The following TBC1D9B variants were observed in gnomAD, a reference collection of about 807,000 sequenced individuals.
TBC1D9B encodes the protein TBC1 domain family member 9B.
TBC1D9B carries 87 observed loss-of-function variants against 121.1 expected under a neutral mutation model. The ratio of observed to expected loss-of-function variants is 0.72; its 90% CI spans 0.60 to 0.86. The LOEUF is 0.86. TBC1D9B is among the 40% of genes least tolerant of loss of function. The pLI is 0.00. For missense variants in TBC1D9B, 1,540 were observed against 1,628.6 expected (o/e 0.95, Z 0.94); for synonymous variants, 668 against 670.1 (o/e 1.00, Z 0.05).
rs1291570405 is a variant in TBC1D9B, at chr5:179,862,711, G to C, written c.*737C>G. On this transcript the variant is annotated 3_prime_UTR_variant, in exon 21 of 21. Coordinates refer to ENST00000355235, the MANE Select transcript of TBC1D9B (RefSeq NM_015043.4). The stretch of plus-strand genomic sequence containing the variant: ...TGGGAGGCCTAAGCAGTGGTTGGGG[G>C]CCACAGCAAGGCATTGCACACAGTG... 2.4e-6 allele frequency: 1 copy of C among 424,382 alleles called. No homozygotes were observed. The highest frequency in any genetic ancestry group is 2.0e-5 in the African/African-American group (1 of 49,576). The allele number at this position is 424,382 out of a possible 1,614,324, so 26.3% of individuals were successfully genotyped here.
chr5:179,879,308 G>C, intron 8 of TBC1D9B, 111 bp from the exon 9 acceptor site: 1 of 1,451,858 alleles, frequency 6.9e-7, no homozygotes, highest in Non-Finnish European at 9.2e-7. Flanking sequence ...GCCAGCAAGT[G>C]TGGCCTTCCT....
At position 179,862,446 on chromosome 5, in the gene TBC1D9B, A is replaced by G. The variant is rs1759871373; in HGVS notation, c.*1002T>C. 2.4e-6 allele frequency: 1 copy of G among 411,710 alleles called. No homozygotes were observed. Among genetic ancestry groups the G allele is most frequent in the Non-Finnish European group, 5.1e-6 (1 of 195,288 alleles). 25.5% of individuals were successfully genotyped at this position (411,710 alleles called of 1,614,324 possible). On this transcript the variant is annotated 3_prime_UTR_variant, in exon 21 of 21. Coordinates refer to ENST00000355235, the MANE Select transcript of TBC1D9B (RefSeq NM_015043.4). Reference sequence around the variant, plus strand: ...TGAACCCAAGGGCAGACAGCTTGCTACAGCCCAGGCCTGAGGATGCACTTC... The same window carrying G: ...TGAACCCAAGGGCAGACAGCTTGCTGCAGCCCAGGCCTGAGGATGCACTTC...
At chr5:179,880,076 T>C in intron 7 of TBC1D9B, 1 of 508,556 alleles carries the variant, frequency 2.0e-6, no homozygotes, top group Non-Finnish European at 3.5e-6. Context: ...GGCCCTTTTC[T>C]GAGGGGGGTC....
In TBC1D9B at chr5:179,874,819, C is replaced by A. The variant is rs1375775430; in HGVS notation, c.2186+83G>T. 2 of 1,548,262 alleles carry A rather than the reference C, an allele frequency of 1.3e-6. No individual in the cohort carries two copies. The highest frequency in any genetic ancestry group is 8.7e-7 in the Non-Finnish European group (1 of 1,150,136). On this transcript the variant is annotated intron_variant, in intron 12 of 20. Transcript: ENST00000355235. The surrounding 1 kb of genome is among the most constrained non-coding windows in gnomAD (Gnocchi z 4.3). ...GCCTGGCACTTGGTGGGCACAGTCA[C>A]TTCAGGCTGACTGGACAGTGCCCGG...
intron 15 of TBC1D9B, among the ~76,000 whole-genome samples, chr5:179,871,258 C>G (rs932898108): frequency 5.3e-5 from 8 of 152,194 alleles, no homozygotes; most frequent in Non-Finnish European, 1.2e-4. Flanking sequence ...TTTAAGAGGT[C>G]CTGCCTAAAC....
At chr5:179,880,070 C>G (rs1013032301) in intron 7 of TBC1D9B, 1 of 517,476 alleles carries the variant, frequency 1.9e-6, no homozygotes, top group African/African-American at 1.9e-5. Flanking sequence ...CTGTGGGGCC[C>G]TTTTCTGAGG....
chr5:179,895,979 G>A (rs923809562), intron 3 of TBC1D9B, among the ~76,000 whole-genome samples: 3 of 152,150 alleles, frequency 2.0e-5, no homozygotes, highest in Non-Finnish European at 4.4e-5. Context: ...CTGGATATAC[G>A]TTCTCCTTTA....
In TBC1D9B at chr5:179,879,142, C is replaced by G; in HGVS notation, c.1472G>C (p.Arg491Pro). Reference protein sequence around the residue: ...SWHIHFFEYGRGVCMYRTAKT... With the variant: ...SWHIHFFEYGPGVCMYRTAKT... ...GGCTGTGCGGTACATGCACACGCCA[C>G]GCCCGTACTCGAAGAAGTGGATGTG... is the stretch of plus-strand genomic sequence containing the variant. Residue 491 changes from arginine (R) to proline (P), a missense_variant, in exon 9 of 21, where the codon CGT (arginine) becomes CCT (proline). Physicochemically the swap from Arg to Pro is moderately radical, Grantham distance 103 (BLOSUM62 -2). Transcript: ENST00000355235. 2 of 1,606,856 alleles carry G rather than the reference C, an allele frequency of 1.2e-6. 1 individual carries two copies. The highest frequency in any genetic ancestry group is 3.3e-4 in the Middle Eastern group (2 of 6,058).
chr5:179,875,920 C>T lies in TBC1D9B; in HGVS notation c.1900G>A (p.Gly634Arg), dbSNP rs766258527. The T allele has an allele frequency of 1.2e-6, 2 of 1,602,726 alleles. No individual in the cohort carries two copies. The highest frequency in any genetic ancestry group is 1.3e-5 in the African/African-American group (1 of 74,656). ...CGAGGCAGCACCCGGGGACACTCAC[C>T]CACCACCCTGGTGTTGTAGTAGTCG... ...LPDYYNTRVV[G>R]ALVDQGIFEE... Residue 634 changes from glycine (G) to arginine (R), a missense_variant and splice_region_variant, in exon 11 of 21, where the codon GGA (glycine) becomes AGA (arginine). Gly to Arg is a moderately radical substitution (Grantham distance 125, BLOSUM62 -2). Transcript: ENST00000355235. This position sits in a 1 kb window ranked among gnomAD's most constrained non-coding sequence, Gnocchi z 4.5.
At chr5:179,877,230 T>G (rs533754253) in intron 10 of TBC1D9B, among the ~76,000 whole-genome samples, 1 of 149,784 alleles carries the variant, frequency 6.7e-6, no homozygotes, top group Non-Finnish European at 1.5e-5. Flanking sequence ...AAAAAAAAAA[T>G]ATTAGCTGGG....
At chr5:179,864,902 A>G (rs1445622297) in intron 20 of TBC1D9B, among the ~76,000 whole-genome samples, 1 of 152,102 alleles carries the variant, frequency 6.6e-6, no homozygotes, top group African/African-American at 2.4e-5. Context: ...GTGAATGAAG[A>G]GCGGGTGTGG....
chr5:179,899,741 A>G (rs1411265683), intron 2 of TBC1D9B, among the ~76,000 whole-genome samples: 4 of 152,226 alleles, frequency 2.6e-5, no homozygotes, highest in East Asian at 3.8e-4. Flanking sequence ...TTTCCTGAGC[A>G]TCTAGGTATC....
chr5:179,875,046 A>G lies in TBC1D9B; in HGVS notation c.2042T>C (p.Phe681Ser). The G allele has an allele frequency of 6.2e-7, 1 of 1,614,086 alleles. No individual in the cohort carries two copies. The highest frequency in any genetic ancestry group is 1.1e-5 in the South Asian group (1 of 91,086). ...GTCGACGATGACCACGGCGCTCTCG[A>G]AGGGCATGACGCTGAGGAAGAGGGT... ...FLTLFLSVMP[F>S]ESAVVIVDCF... is the part of the protein sequence containing the mutation. Residue 681 changes from phenylalanine to serine, a missense_variant, in exon 12 of 21, where the codon TTC becomes TCC. By Grantham distance (155) the Phe-to-Ser change is radical. Transcript: ENST00000355235. This position sits in a 1 kb window ranked among gnomAD's most constrained non-coding sequence, Gnocchi z 4.5.
chr5:179,891,575 G>A lies in TBC1D9B; in HGVS notation c.848C>T (p.Ala283Val). ...NISALKRDLD[A>V]RAKNECYRAT... ...TCGGTAGCACTCATTCTTGGCTCGGGCGTCCAGGTCTCTGGGGAAACAAGG... is the reference window on the plus strand; with the variant it reads ...TCGGTAGCACTCATTCTTGGCTCGGACGTCCAGGTCTCTGGGGAAACAAGG... Residue 283 changes from alanine to valine, a missense_variant, in exon 6 of 21, where the codon GCC becomes GTC. Coordinates refer to ENST00000355235, the MANE Select transcript of TBC1D9B (RefSeq NM_015043.4). The surrounding 1 kb of genome is among the most constrained non-coding windows in gnomAD (Gnocchi z 4.3). 1 of 1,613,062 alleles carries A rather than the reference G, an allele frequency of 6.2e-7. No individual in the cohort carries two copies.
rs976712398 is a variant in TBC1D9B at position 179,865,102 on chromosome 5, G to C, written c.3021+152C>G. The C allele has an allele frequency of 4.4e-6, 3 of 681,050 alleles. No homozygotes were observed. Among genetic ancestry groups the C allele is most frequent in the Non-Finnish European group, 7.6e-6 (3 of 396,298 alleles). The allele number at this position is 681,050 out of a possible 1,614,324, so 42.2% of individuals were successfully genotyped here. On this transcript the variant is annotated intron_variant, in intron 20 of 20. Coordinates refer to ENST00000355235, the MANE Select transcript of TBC1D9B (RefSeq NM_015043.4). This position sits in a 1 kb window ranked among gnomAD's most constrained non-coding sequence, Gnocchi z 5.1. ...GGCCTCTTGTCTTTCTGGAATCATC[G>C]CTGACTGGCAACCAGGACTAACGGG...
chr5:179,906,835 C>G (rs181082066), intron 1 of TBC1D9B, among the ~76,000 whole-genome samples: 1 of 152,372 alleles, frequency 6.6e-6, no homozygotes, highest in East Asian at 1.9e-4. Flanking sequence ...ACTGGACGAC[C>G]TGGCAACACT....
intron 16 of TBC1D9B, 42 bp from the exon 17 acceptor site, chr5:179,869,876 T>C (rs1383265956): frequency 2.0e-6 from 3 of 1,514,852 alleles, no homozygotes; most frequent in Admixed American, 4.4e-5. Context: ...GCAACATGGC[T>C]GCAGAGCCCC....
At chr5:179,903,999 CA>C in intron 2 of TBC1D9B, among the ~76,000 whole-genome samples, 1 of 152,296 alleles carries the variant, frequency 6.6e-6, no homozygotes. Flanking sequence ...CAAATGACCA[CA>C]AAATCGCTGG....
rs1440333140 is a variant in TBC1D9B, at chr5:179,862,555, A to G, written c.*893T>C. 8 of 456,378 alleles carry G rather than the reference A, an allele frequency of 1.8e-5. No individual in the cohort carries two copies. Among genetic ancestry groups the G allele is most frequent in the Non-Finnish European group, 3.5e-5 (8 of 226,920 alleles). The allele number at this position is 456,378 out of a possible 1,614,324, so 28.3% of individuals were successfully genotyped here. A position where few individuals can be genotyped will look rare whatever the true frequency, so the allele number is the denominator to read the frequency against. On this transcript the variant is annotated 3_prime_UTR_variant, in exon 21 of 21. Coordinates refer to ENST00000355235, the MANE Select transcript of TBC1D9B (RefSeq NM_015043.4). Reference sequence around the variant, plus strand: ...GATGCAGGTTGGTCAGGACCTGCCCAGCTTGCACCAGCAGGTTCTGCGTCT... The same window carrying G: ...GATGCAGGTTGGTCAGGACCTGCCCGGCTTGCACCAGCAGGTTCTGCGTCT...
Sources: gnomAD v4.1 joint callset for allele counts (sites outside exome capture counted in the v4.1 genomes callset) on GRCh38, gnomAD v4.1.1 for gene constraint, Gnocchi (gnomAD v3.1) non-coding constraint, MANE v1.5 for transcripts, NCBI Gene and HGNC (gene_info 2026-07-23, HGNC 2026-07-21) for gene names.